Variants in TNRC6A observed in about 807,000 individuals in gnomAD.
The protein encoded by TNRC6A is trinucleotide repeat-containing gene 6A protein.
TNRC6A carries 44 observed loss-of-function variants against 221.2 expected under a neutral mutation model. The ratio of observed to expected loss-of-function variants is 0.20; its 90% CI spans 0.16 to 0.26. TNRC6A has a LOEUF of 0.26. TNRC6A is among the 10% of genes least tolerant of loss of function. The pLI, the probability that TNRC6A is intolerant of heterozygous loss-of-function variation, is 1.00. For missense variants in TNRC6A, 2,199 were observed against 2,404.4 expected (o/e 0.91, Z 1.79); for synonymous variants, 847 against 838.5 (o/e 1.01, Z -0.18).
intron 2 of TNRC6A, among the ~76,000 whole-genome samples, chr16:24,698,191 A>G (rs1003609515): frequency 2.0e-5 from 3 of 152,088 alleles, no homozygotes; most frequent in African/African-American, 7.2e-5. Flanking sequence ...AAAACAAAAA[A>G]TGCAGAATCT....
At chr16:24,633,038 T>C (rs1901430047) in intron 1 of TNRC6A, among the ~76,000 whole-genome samples, 1 of 150,518 alleles carries the variant, frequency 6.6e-6, no homozygotes. Flanking sequence ...TCCAGACTTC[T>C]CAACATAGTC....
At chr16:24,664,967 G>A (rs2055126380) in intron 2 of TNRC6A, 1 of 456,390 alleles carries the variant, frequency 2.2e-6, no homozygotes, top group South Asian at 1.5e-5. Context: ...CAGAATCACG[G>A]GATGGTTGCA....
intron 4 of TNRC6A, chr16:24,776,510 A>T (rs562026082): frequency 1.1e-5 from 11 of 985,504 alleles, no homozygotes; most frequent in Middle Eastern, 5.2e-4. Context: ...GACCAAACAC[A>T]TTAACAATGA....
chr16:24,789,375 A>C lies in TNRC6A; in HGVS notation c.733A>C (p.Ser245Arg). Residue 245 changes from serine (S) to arginine (R), a missense_variant, in exon 6 of 25, where the codon AGT becomes CGT. Ser to Arg is a moderately radical substitution (Grantham distance 110, BLOSUM62 -1). This residue lies in a region of TNRC6A where 1,405 missense variants were observed against 1,400.2 expected (regional missense o/e 1.00). Coordinates refer to ENST00000395799, the MANE Select transcript of TNRC6A (RefSeq NM_014494.4). ...AGAAGCATGGCCCTCAGCCCCTGGC[A>C]GTGATCCGGAGTTGGCTTCAGAATG... ...EKEAWPSAPG[S>R]DPELASECMD... The C allele has an allele frequency of 1.9e-6, 3 of 1,614,244 alleles. No individual in the cohort carries two copies. The highest frequency in any genetic ancestry group is 2.5e-6 in the Non-Finnish European group (3 of 1,180,036).
intron 3 of TNRC6A, among the ~76,000 whole-genome samples, chr16:24,752,993 T>C (rs1156529167): frequency 6.6e-6 from 1 of 152,258 alleles, no homozygotes; most frequent in Non-Finnish European, 1.5e-5. Flanking sequence ...TGTATTTTTG[T>C]GAATATAATT....
intron 2 of TNRC6A, among the ~76,000 whole-genome samples, chr16:24,716,912 G>A (rs1229010045): frequency 3.5e-5 from 5 of 144,102 alleles, no homozygotes; most frequent in Non-Finnish European, 6.0e-5. Context: ...AGCCAAGATC[G>A]TGCCACTGCA....
intron 2 of TNRC6A, among the ~76,000 whole-genome samples, chr16:24,693,214 G>A (rs1415348846): frequency 6.6e-6 from 1 of 151,976 alleles, no homozygotes; most frequent in African/African-American, 2.4e-5. Flanking sequence ...CAGCACTTTG[G>A]GAGGCCGAGG....
chr16:24,706,166 T>G (rs1342302758), intron 2 of TNRC6A, among the ~76,000 whole-genome samples: 1 of 152,168 alleles, frequency 6.6e-6, no homozygotes, highest in Non-Finnish European at 1.5e-5. Context: ...AATACACACT[T>G]TGTTCATCAA....
At chr16:24,756,497 G>C (rs1449432083) in intron 3 of TNRC6A, among the ~76,000 whole-genome samples, 2 of 152,110 alleles carry the variant, frequency 1.3e-5, no homozygotes, top group South Asian at 2.1e-4. Flanking sequence ...CCGATTCTTA[G>C]GGGCAGACAC....
In TNRC6A at chr16:24,729,655, C is replaced by A; in HGVS notation, c.-187C>A. 6.6e-6 allele frequency: 4 copies of A among 609,894 alleles called. No individual in the cohort carries two copies. The highest frequency in any genetic ancestry group is 9.6e-6 in the Non-Finnish European group (4 of 415,708). 37.8% of individuals were successfully genotyped at this position (609,894 alleles called of 1,614,324 possible). On this transcript the variant is annotated 5_prime_UTR_variant, in exon 1 of 25. Transcript: ENST00000395799. ...GGGTTGCCGAGTGGGGCATTCACTT[C>A]CGGTCTGGGGCCTGCGGCGGCGGCG...
intron 1 of TNRC6A, among the ~76,000 whole-genome samples, chr16:24,639,637 G>GC (rs1901829476): frequency 6.6e-6 from 1 of 152,080 alleles, no homozygotes; most frequent in African/African-American, 2.4e-5. Flanking sequence ...TGTTGTACCA[G>GC]CCGCTTTTTT....
Position 24,777,326 on chromosome 16 carries a change from A to G in TNRC6A, c.557A>G (p.Asn186Ser). The change falls in exon 5 of 25, where the codon AAC becomes AGC. Residue 186 changes from asparagine (N) to serine (S), a missense_variant. Asn to Ser is a conservative substitution (Grantham distance 46). Transcript: ENST00000395799. Reference protein sequence around the residue: ...SALTNQQPQNNGEVQNSKNQS... With the variant: ...SALTNQQPQNSGEVQNSKNQS... Reference sequence around the variant, plus strand: ...TTAACAAATCAACAGCCACAAAATAACGGAGAGGTGCAGAACAGCAAAAAC... The same window carrying G: ...TTAACAAATCAACAGCCACAAAATAGCGGAGAGGTGCAGAACAGCAAAAAC... 6.2e-7 allele frequency: 1 copy of G among 1,612,904 alleles called. No homozygotes were observed. The highest frequency in any genetic ancestry group is 8.5e-7 in the Non-Finnish European group (1 of 1,179,958).
At chr16:24,799,019 G>C (rs982960933) in intron 11 of TNRC6A, among the ~76,000 whole-genome samples, 1 of 152,184 alleles carries the variant, frequency 6.6e-6, no homozygotes, top group Non-Finnish European at 1.5e-5. Context: ...CACAGGAGAG[G>C]TGTCTCATGG....
At chr16:24,669,928 T>TATGAGGCA (rs2141986073) in intron 2 of TNRC6A, among the ~76,000 whole-genome samples, 1 of 146,126 alleles carries the variant, frequency 6.8e-6, no homozygotes, top group South Asian at 2.2e-4. Context: ...GTTATGACCC[T>TATGAGGCA]ATGAGGCAGC....
intron 2 of TNRC6A, among the ~76,000 whole-genome samples, chr16:24,749,849 A>G (rs2057096394): frequency 6.6e-6 from 1 of 152,188 alleles, no homozygotes; most frequent in South Asian, 2.1e-4. Context: ...TATGAAGAAT[A>G]CATTATTAGA....
At chr16:24,768,921 T>G (rs2057532628) in intron 4 of TNRC6A, among the ~76,000 whole-genome samples, 1 of 152,240 alleles carries the variant, frequency 6.6e-6, no homozygotes, top group Non-Finnish European at 1.5e-5. Flanking sequence ...GGTAGATGAT[T>G]GTTGGCTGGT....
intron 21 of TNRC6A, 24 bp downstream of exon 21, chr16:24,818,724 A>G: frequency 6.3e-7 from 1 of 1,584,970 alleles, no homozygotes. Flanking sequence ...TCGCTCAGGA[A>G]GGGAGGGTTG....
At chr16:24,751,756 T>G (rs546031030) in intron 3 of TNRC6A, among the ~76,000 whole-genome samples, 73 of 152,220 alleles carry the variant, frequency 4.8e-4, no homozygotes, top group Non-Finnish European at 8.4e-4. Flanking sequence ...AAGATACTTA[T>G]GTCCACATTA....
chr16:24,745,823 A>G (rs2056997672), intron 2 of TNRC6A, among the ~76,000 whole-genome samples: 1 of 129,174 alleles, frequency 7.7e-6, no homozygotes, highest in South Asian at 2.8e-4. Flanking sequence ...AATTGTTAGG[A>G]TATTTTGAGT....
Sources: gnomAD v4.1 joint callset for allele counts (sites outside exome capture counted in the v4.1 genomes callset) on GRCh38, gnomAD v4.1.1 for gene constraint, gnomAD v4.1.1 regional missense constraint, MANE v1.5 for transcripts, NCBI Gene and HGNC (gene_info 2026-07-23, HGNC 2026-07-21) for gene names.